Variants in SALL3 observed in about 807,000 individuals in gnomAD.
SALL3 encodes spalt like transcription factor 3.
A neutral mutation model predicts 66.2 loss-of-function variants in SALL3; 25 were observed. That is an observed-to-expected ratio of 0.38 (90% CI 0.28 to 0.53). The LOEUF is 0.53. Ranked by LOEUF, SALL3 falls within the 20% of genes least tolerant of loss-of-function variation. SALL3 has a pLI of 0.85. For missense variants in SALL3, 2,194 were observed against 1,916.5 expected (o/e 1.14, Z -2.70); for synonymous variants, 1,152 against 899.1 (o/e 1.28, Z -5.03).
chr18:78,991,055 C>G (rs1474887023), intron 1 of SALL3, among the ~76,000 whole-genome samples: 1 of 152,096 alleles, frequency 6.6e-6, no homozygotes, highest in Admixed American at 6.6e-5. Context: ...AGAGGGTTTT[C>G]CACTATGGCA....
At position 78,993,204 on chromosome 18, in the gene SALL3, T is replaced by A; in HGVS notation, c.1213T>A (p.Ser405Thr). Residue 405 changes from serine (S) to threonine (T), a missense_variant, in exon 2 of 3, where the codon TCG becomes ACG. Coordinates refer to ENST00000537592, the MANE Select transcript of SALL3 (RefSeq NM_171999.4). Reference protein sequence around the residue: ...KHRKGKPPNVSVFEPKASAED... With the variant: ...KHRKGKPPNVTVFEPKASAED... ...CCGCAAGGGCAAGCCGCCCAATGTGTCGGTGTTCGAGCCCAAAGCCAGCGC... is the reference window on the plus strand; with the variant it reads ...CCGCAAGGGCAAGCCGCCCAATGTGACGGTGTTCGAGCCCAAAGCCAGCGC... 6.2e-7 allele frequency: 1 copy of A among 1,611,248 alleles called. No homozygotes were observed. Among genetic ancestry groups the A allele is most frequent in the Non-Finnish European group, 8.5e-7 (1 of 1,179,600 alleles).
At chr18:78,983,058 TGA>T (rs1914126257) in intron 1 of SALL3, among the ~76,000 whole-genome samples, 4 of 152,258 alleles carry the variant, frequency 2.6e-5, no homozygotes, top group South Asian at 4.1e-4. Context: ...ACTACAGGAA[TGA>T]AACATGACGT....
Position 78,993,089 on chromosome 18 carries a change from T to C in SALL3, c.1098T>C (p.Thr366=), listed in dbSNP as rs1453287052. ...TGCCAAGTCCGCTTCTACCTCAGAC[T>C]TCCGCCAGCGGCGTCATCTTCCCCA... is the stretch of plus-strand genomic sequence containing the variant. ...PGLPSPLLPQ[T]SASGVIFPNP... Residue 366 remains threonine (T), a synonymous_variant, in exon 2 of 3, where the codon ACT becomes ACC. Transcript: ENST00000537592. 6.3e-7 allele frequency: 1 copy of C among 1,599,692 alleles called. No homozygotes were observed.
chr18:78,986,094 C>T (rs191289725), intron 1 of SALL3, among the ~76,000 whole-genome samples: 1 of 152,278 alleles, frequency 6.6e-6, no homozygotes, highest in Admixed American at 6.5e-5. Flanking sequence ...GTGTAACAAA[C>T]GTCTTATTAT....
At chr18:78,989,724 A>C (rs185075818) in intron 1 of SALL3, among the ~76,000 whole-genome samples, 6 of 152,230 alleles carry the variant, frequency 3.9e-5, no homozygotes, top group African/African-American at 1.4e-4. Flanking sequence ...TCAAGGAATT[A>C]ACAAGCATTT....
chr18:78,980,752 G>A (rs1914022117), intron 1 of SALL3, among the ~76,000 whole-genome samples: 1 of 135,354 alleles, frequency 7.4e-6, no homozygotes, highest in Non-Finnish European at 1.7e-5. Context: ...GGCGACCGCA[G>A]CCCACCTACC....
intron 1 of SALL3, chr18:78,985,087 GC>G (rs1914200675): frequency 6.6e-6 from 1 of 152,260 alleles, no homozygotes; most frequent in African/African-American, 2.4e-5. Context: ...AGTTAGAAGT[GC>G]TTTGACAAGC....
intron 1 of SALL3, among the ~76,000 whole-genome samples, chr18:78,982,229 T>G (rs1343982360): frequency 2.0e-5 from 3 of 152,232 alleles, no homozygotes; most frequent in African/African-American, 7.2e-5. Context: ...ATGGGATAAA[T>G]TATTCACAAG....
chr18:78,993,638 C>T lies in SALL3; in HGVS notation c.1647C>T (p.Ala549=), dbSNP rs748610570. ...CCGACTCTCCCAGCGCCACCCCAGCCAGCCGCTCCCCGCAGAGGCCCTCGC... is the reference window on the plus strand; with the variant it reads ...CCGACTCTCCCAGCGCCACCCCAGCTAGCCGCTCCCCGCAGAGGCCCTCGC... ...GYADSPSATP[A]SRSPQRPSPA... Residue 549 remains alanine, a synonymous_variant, in exon 2 of 3, where the codon GCC becomes GCT. Transcript: ENST00000537592. The T allele has an allele frequency of 6.3e-6, 10 of 1,587,724 alleles. No homozygotes were observed. The highest frequency in any genetic ancestry group is 1.1e-5 in the South Asian group (1 of 89,498).
At chr18:78,995,670 G>A (rs776086142) in intron 2 of SALL3, among the ~76,000 whole-genome samples, 4 of 147,070 alleles carry the variant, frequency 2.7e-5, no homozygotes, top group Non-Finnish European at 4.5e-5. Flanking sequence ...GGTGAGTAGC[G>A]TGTACCTATG....
intron 2 of SALL3, among the ~76,000 whole-genome samples, chr18:78,996,404 G>A (rs144798325): frequency 2.6e-5 from 4 of 152,218 alleles, no homozygotes; most frequent in East Asian, 1.9e-4. Flanking sequence ...AGAACTGCCC[G>A]CAGGGCCTGC....
In SALL3 at chr18:78,993,718, G is replaced by A. The variant is rs774450459; in HGVS notation, c.1727G>A (p.Gly576Asp). Residue 576 changes from glycine to aspartate, a missense_variant, in exon 2 of 3, where the codon GGC becomes GAC. By Grantham distance (94) the Gly-to-Asp change is moderately conservative. Transcript: ENST00000537592. The part of the protein sequence containing the change: ...LSPGLNHVES[G>D]VSATAESPQS... Reference sequence around the variant, plus strand: ...CCAGGCCTCAACCACGTGGAGTCCGGCGTGTCGGCCACCGCCGAGTCCCCA... The same window carrying A: ...CCAGGCCTCAACCACGTGGAGTCCGACGTGTCGGCCACCGCCGAGTCCCCA... 58 of 1,555,780 alleles carry A rather than the reference G, an allele frequency of 3.7e-5. No homozygotes were observed. The South Asian group carries it at 6.5e-4, about 17-fold the overall frequency.
At position 78,993,584 on chromosome 18, in the gene SALL3, G is replaced by A. The variant is rs777278088; in HGVS notation, c.1593G>A (p.Pro531=). The change falls in exon 2 of 3, where the codon CCG becomes CCA. Residue 531 remains proline (P), a synonymous_variant. Transcript: ENST00000537592. Reference sequence around the variant, plus strand: ...CCACGTCCGTGGGGCTGCAACTGCCGCCCACTGTCCCTGGCGCGCACGGCT... The same window carrying A: ...CCACGTCCGTGGGGCTGCAACTGCCACCCACTGTCCCTGGCGCGCACGGCT... ...TVPTSVGLQL[P]PTVPGAHGYA... 42 of 1,587,206 alleles carry A rather than the reference G, an allele frequency of 2.6e-5. No homozygotes were observed. Among genetic ancestry groups the A allele is most frequent in the Non-Finnish European group, 3.2e-5 (37 of 1,172,158 alleles).
In SALL3 at chr18:78,992,888, C is replaced by A; in HGVS notation, c.897C>A (p.Ala299=). ...AQPLSRPESG[A]STPGGPAEPS... is the part of the protein sequence containing the mutation. ...CGCTGTCCCGGCCCGAGTCTGGCGC[C>A]AGCACCCCCGGCGGCCCTGCGGAGC... The change falls in exon 2 of 3, where the codon GCC becomes GCA. Residue 299 remains alanine, a synonymous_variant. Transcript: ENST00000537592. 1.0e-6 allele frequency: 1 copy of A among 985,916 alleles called. No individual in the cohort carries two copies. The highest frequency in any genetic ancestry group is 1.2e-6 in the Non-Finnish European group (1 of 832,030). The allele number at this position is 985,916 out of a possible 1,614,324, so 61.1% of individuals were successfully genotyped here. A position where few individuals can be genotyped will look rare whatever the true frequency, so the allele number is the denominator to read the frequency against.
intron 2 of SALL3, among the ~76,000 whole-genome samples, chr18:78,996,576 C>G (rs1914700128): frequency 6.6e-6 from 1 of 152,138 alleles, no homozygotes; most frequent in African/African-American, 2.4e-5. Flanking sequence ...GGAGCAAGAC[C>G]CGGACCCTTC....
chr18:78,993,867 G>A lies in SALL3; in HGVS notation c.1876G>A (p.Gly626Ser), dbSNP rs750952278. 8.9e-6 allele frequency: 14 copies of A among 1,564,476 alleles called. No homozygotes were observed. Among genetic ancestry groups the A allele is most frequent in the Admixed American group, 5.6e-5 (3 of 53,372 alleles). ...TAGCGCTGCACCCACATCGGTGGACGGCGCACCCACGAGCCTCGGCAGCCC... is the reference window on the plus strand; with the variant it reads ...TAGCGCTGCACCCACATCGGTGGACAGCGCACCCACGAGCCTCGGCAGCCC... ...QASAAPTSVD[G>S]APTSLGSPGL... The change falls in exon 2 of 3, where the codon GGC (glycine) becomes AGC (serine). Residue 626 changes from glycine to serine, a missense_variant. Physicochemically the swap from Gly to Ser is moderately conservative, Grantham distance 56 (BLOSUM62 0). Transcript: ENST00000537592.
In SALL3 at chr18:78,993,934, C is replaced by A; in HGVS notation, c.1943C>A (p.Pro648Gln). 1 of 1,607,986 alleles carries A rather than the reference C, an allele frequency of 6.2e-7. No homozygotes were observed. The change falls in exon 2 of 3, where the codon CCG becomes CAG. Residue 648 changes from proline to glutamine, a missense_variant. Pro to Gln is a moderately conservative substitution (Grantham distance 76). Coordinates refer to ENST00000537592, the MANE Select transcript of SALL3 (RefSeq NM_171999.4). ...AVSEQFKAQF[P>Q]FGGLLDSMQT... ...TCCGAGCAGTTCAAGGCCCAGTTTC[C>A]GTTCGGGGGGCTGCTAGACTCGATG...
rs751152049 is a variant in SALL3, at chr18:78,993,664, C to T, written c.1673C>T (p.Pro558Leu). The change falls in exon 2 of 3, where the codon CCC becomes CTC. Residue 558 changes from proline to leucine, a missense_variant. Physicochemically the swap from Pro to Leu is moderately conservative, Grantham distance 98. Transcript: ENST00000537592. The part of the protein sequence containing the change: ...PASRSPQRPS[P>L]ASSECASLSP... ...AGCCGCTCCCCGCAGAGGCCCTCGC[C>T]CGCCTCCAGCGAGTGCGCCTCCTTG... 1.6e-5 allele frequency: 25 copies of T among 1,588,674 alleles called. No individual in the cohort carries two copies. Among genetic ancestry groups the T allele is most frequent in the Non-Finnish European group, 1.8e-5 (21 of 1,174,662 alleles).
rs1427761979 is a variant in SALL3, at chr18:78,993,072, C to A, written c.1081C>A (p.Pro361Thr). The A allele has an allele frequency of 6.3e-7, 1 of 1,595,610 alleles. No individual in the cohort carries two copies. Among genetic ancestry groups the A allele is most frequent in the Non-Finnish European group, 8.5e-7 (1 of 1,176,042 alleles). ...GGGTGCGGCGCCCGGCCTGCCAAGT[C>A]CGCTTCTACCTCAGACTTCCGCCAG... ...LLGAAPGLPS[P>T]LLPQTSASGV... Residue 361 changes from proline to threonine, a missense_variant, in exon 2 of 3, where the codon CCG becomes ACG. Pro to Thr is a conservative substitution (Grantham distance 38). Coordinates refer to ENST00000537592, the MANE Select transcript of SALL3 (RefSeq NM_171999.4).
Sources: allele counts gnomAD v4.1 joint callset (sites outside exome capture counted in the v4.1 genomes callset), GRCh38; gene constraint gnomAD v4.1.1; transcripts MANE v1.5; gene names NCBI Gene and HGNC (gene_info 2026-07-23, HGNC 2026-07-21).